PTPRT: variants seen among roughly 807,000 people sequenced by gnomAD.
The protein encoded by PTPRT is receptor-type tyrosine-protein phosphatase T.
A neutral mutation model predicts 176.8 loss-of-function variants in PTPRT; 56 were observed. The ratio of observed to expected loss-of-function variants is 0.32; its 90% confidence interval spans 0.26 to 0.40. The LOEUF (loss-of-function observed/expected upper bound fraction) is 0.40, where lower values mean the gene tolerates loss of function less well. PTPRT is among the 10% of genes least tolerant of loss of function. PTPRT has a pLI of 1.00. For synonymous variants in PTPRT, 783 were observed against 739.0 expected, an observed-to-expected ratio of 1.06 and a Z score of -0.96; for missense variants, 1,540 against 1,908.2, an observed-to-expected ratio of 0.81 and a Z score of 3.60.
chr20:42,544,644 C>T (rs2072641854), intron 7 of PTPRT, among the ~76,000 whole-genome samples: 1 of 152,116 alleles, frequency 6.6e-6, no homozygotes, highest in Admixed American at 6.6e-5. Flanking sequence ...GGAGACTTTC[C>T]ACTCCTCTCT....
chr20:42,063,541 A>G, the PTPRT span: 1 of 152,204 alleles, frequency 6.6e-6, no homozygotes, highest in African/African-American at 2.4e-5. Flanking sequence ...ATGTAGCAGG[A>G]ATCGGAGGGA....
In PTPRT at chr20:42,633,964, T is replaced by C. The variant is rs1198108907; in HGVS notation, c.1153+43902A>G. On this transcript the variant is annotated intron_variant, in intron 7 of 30. Transcript: ENST00000373187. ...TAATATAATATATAATTATATATAA[T>C]ATATTATAATATATTATATATTATA... Among the ~76,000 whole-genome samples, 7 of 31,824 alleles carry C rather than the reference T, an allele frequency of 2.2e-4. No individual in the cohort carries two copies. In the East Asian group the frequency reaches 7.1e-3, roughly 32 times the overall value. The allele number at this position is 31,824 out of a possible 152,430, so 20.9% of individuals were successfully genotyped here.
chr20:42,642,819 C>A (rs570137674), intron 7 of PTPRT, among the ~76,000 whole-genome samples: 1 of 152,266 alleles, frequency 6.6e-6, no homozygotes, highest in East Asian at 1.9e-4. Context: ...ACATTTAGTG[C>A]TCTCCTTGGA....
rs372834645 is a variant in PTPRT, at chr20:42,478,369, G to A, written c.1154-5807C>T. Among the ~76,000 whole-genome samples the A allele has an allele frequency of 1.2e-4, 19 of 152,176 alleles. No individual in the cohort carries two copies. In the East Asian group the frequency reaches 3.5e-3, roughly 28 times the overall value. The stretch of plus-strand genomic sequence containing the variant: ...TCTTACTGTGGCCTCAGGAAGGCAC[G>A]GTGGTCCTCCTCACCTCTGAACCCT... On this transcript the variant is annotated intron_variant, in intron 7 of 30. Coordinates refer to ENST00000373187, the MANE Select transcript of PTPRT (RefSeq NM_007050.6).
chr20:42,224,908 C>G (rs1281126432), intron 15 of PTPRT, among the ~76,000 whole-genome samples: 4 of 152,174 alleles, frequency 2.6e-5, no homozygotes, highest in Non-Finnish European at 5.9e-5. Context: ...AATAAACAAG[C>G]CTGTCCCCCA....
intron 15 of PTPRT, 43 bp from the exon 16 acceptor site, chr20:42,199,431 G>T: frequency 6.3e-7 from 1 of 1,599,642 alleles, no homozygotes; most frequent in South Asian, 1.1e-5. Context: ...GTCAGATGGT[G>T]CCAGTTGCAT....
intron 13 of PTPRT, among the ~76,000 whole-genome samples, chr20:42,251,762 A>C (rs1447181343): frequency 1.3e-5 from 2 of 152,054 alleles, no homozygotes; most frequent in Non-Finnish European, 1.5e-5. Context: ...CCAGGGCAAG[A>C]AAGCAAGGAG....
intron 7 of PTPRT, among the ~76,000 whole-genome samples, chr20:42,528,541 T>C (rs1455047895): frequency 3.5e-4 from 53 of 152,172 alleles, no homozygotes; most frequent in Non-Finnish European, 1.8e-4. Context: ...GTTAAGGAAA[T>C]GTTTGTCCCC....
At chr20:42,667,225 C>G (rs1252616808) in intron 7 of PTPRT, among the ~76,000 whole-genome samples, 1 of 152,142 alleles carries the variant, frequency 6.6e-6, no homozygotes, top group Non-Finnish European at 1.5e-5. Flanking sequence ...TAGAGCTTTG[C>G]AGCTGTGCAG....
At chr20:42,919,366 T>C (rs1203964286) in intron 1 of PTPRT, among the ~76,000 whole-genome samples, 1 of 152,208 alleles carries the variant, frequency 6.6e-6, no homozygotes, top group East Asian at 1.9e-4. Context: ...TGAGCTTCCT[T>C]TGAGGACTGG....
intron 6 of PTPRT, among the ~76,000 whole-genome samples, chr20:42,698,164 A>G (rs2075913066): frequency 6.6e-6 from 1 of 152,296 alleles, no homozygotes; most frequent in South Asian, 2.1e-4. Context: ...TGGAAACCCA[A>G]CAAGGTTTCC....
At chr20:42,507,394 C>G (rs1397430326) in intron 7 of PTPRT, among the ~76,000 whole-genome samples, 2 of 152,016 alleles carry the variant, frequency 1.3e-5, no homozygotes, top group Non-Finnish European at 2.9e-5. Context: ...TACACTCACA[C>G]GGATGCACCC....
chr20:42,053,275 G>A, the PTPRT span, among the ~76,000 whole-genome samples: 10 of 152,300 alleles, frequency 6.6e-5, no homozygotes, highest in East Asian at 5.8e-4. Flanking sequence ...GGATGATTAC[G>A]AAATGAAACC....
At chr20:42,454,383 A>G (rs1034947643) in intron 8 of PTPRT, among the ~76,000 whole-genome samples, 32 of 152,200 alleles carry the variant, frequency 2.1e-4, no homozygotes, top group Admixed American at 1.3e-4. Flanking sequence ...CTATGACTGA[A>G]GGGCTTATCT....
rs146071008 is a variant in PTPRT, at chr20:43,172,618, A to G, written c.88+17028T>C. On this transcript the variant is annotated intron_variant, in intron 1 of 30. Coordinates refer to ENST00000373187, the MANE Select transcript of PTPRT (RefSeq NM_007050.6). ...CCTCCACTGAACTCCCAGCAATAGC[A>G]CTATAACCAAGGATGGCTAGTATTT... Among the ~76,000 whole-genome samples the G allele has an allele frequency of 3.9e-3, 600 of 152,326 alleles. 4 individuals are homozygous for G. Among genetic ancestry groups the G allele is most frequent in the African/African-American group, 0.014 (562 of 41,568 alleles).
At chr20:42,587,847 G>A (rs2081615390) in intron 7 of PTPRT, among the ~76,000 whole-genome samples, 1 of 152,156 alleles carries the variant, frequency 6.6e-6, no homozygotes, top group East Asian at 1.9e-4. Flanking sequence ...CCACAGACCT[G>A]AGTTCAAATT....
intron 7 of PTPRT, among the ~76,000 whole-genome samples, chr20:42,525,347 A>G (rs1278698182): frequency 2.6e-5 from 4 of 152,158 alleles, no homozygotes; most frequent in African/African-American, 9.7e-5. Context: ...CACTGAGGGT[A>G]TATGATTTCA....
chr20:42,905,336 T>A lies in PTPRT; in HGVS notation c.89-19404A>T, dbSNP rs534705626. ...AAAAAATGCTCATCATCACTGGTCA[T>A]CAGAGAAATGCAAATCAAAACCACA... On this transcript the variant is annotated intron_variant, in intron 1 of 30. Coordinates refer to ENST00000373187, the MANE Select transcript of PTPRT (RefSeq NM_007050.6). Among the ~76,000 whole-genome samples, 98 of 152,302 alleles carry A rather than the reference T, an allele frequency of 6.4e-4. 1 individual carries two copies. The highest frequency in any genetic ancestry group is 1.9e-3 in the South Asian group (9 of 4,818).
chr20:43,183,167 A>G (rs2015308894), intron 1 of PTPRT, among the ~76,000 whole-genome samples: 1 of 152,168 alleles, frequency 6.6e-6, no homozygotes, highest in Non-Finnish European at 1.5e-5. Context: ...TGATGAGGGG[A>G]AAAAATGCTA....
Sources: allele counts gnomAD v4.1 joint callset (sites outside exome capture counted in the v4.1 genomes callset), GRCh38; gene constraint gnomAD v4.1.1; transcripts MANE v1.5; gene names NCBI Gene and HGNC (gene_info 2026-07-23, HGNC 2026-07-21).